Variants in GRM3 observed in about 807,000 individuals in gnomAD.
The protein encoded by GRM3 is glutamate metabotropic receptor 3, also known as metabotropic glutamate receptor 3.
A neutral mutation model predicts 70.5 loss-of-function variants in GRM3; 26 were observed. The observed-to-expected ratio is 0.37, with a 90% CI of 0.27 to 0.51. The LOEUF is 0.51. Among genes scored for constraint, GRM3 ranks in the 20% least tolerant of loss-of-function variants. GRM3 has a pLI of 0.93. For missense variants in GRM3, 859 were observed against 1,123.8 expected (o/e 0.76, Z 3.37); for synonymous variants, 443 against 434.9 (o/e 1.02, Z -0.23).
chr7:86,728,130 A>G (rs1795635043), intron 1 of GRM3, among the ~76,000 whole-genome samples: 1 of 152,130 alleles, frequency 6.6e-6, no homozygotes, highest in Admixed American at 6.6e-5. Flanking sequence ...TTTTATTATT[A>G]CCACATTAAT....
intron 1 of GRM3, among the ~76,000 whole-genome samples, chr7:86,718,258 C>G (rs756979407): frequency 1.3e-5 from 2 of 151,888 alleles, no homozygotes; most frequent in Non-Finnish European, 2.9e-5. Context: ...TGCATGAATT[C>G]CACATCACAA....
chr7:86,791,306 A>C (rs1160728744), intron 3 of GRM3, among the ~76,000 whole-genome samples: 1 of 152,230 alleles, frequency 6.6e-6, no homozygotes, highest in Non-Finnish European at 1.5e-5. Context: ...GCTTTGAAAA[A>C]ATTTTAATAT....
chr7:86,779,046 A>T (rs12690900), intron 2 of GRM3, among the ~76,000 whole-genome samples: 38,913 of 152,090 alleles, frequency 0.26, 5,045 homozygotes, highest in Middle Eastern at 0.31. Context: ...AGAAGGCTCT[A>T]TGCCTTGTTA....
At chr7:86,692,132 G>T (rs1462970839) in intron 1 of GRM3, among the ~76,000 whole-genome samples, 1 of 152,118 alleles carries the variant, frequency 6.6e-6, no homozygotes, top group African/African-American at 2.4e-5. Context: ...AATAATCCTT[G>T]GAAAGGCCAA....
chr7:86,769,837 A>G (rs1796694771), intron 2 of GRM3, among the ~76,000 whole-genome samples: 1 of 152,160 alleles, frequency 6.6e-6, no homozygotes, highest in East Asian at 1.9e-4. Context: ...GAAAGCTAAC[A>G]TCAAAATCCT....
chr7:86,859,939 T>C (rs914795019), intron 5 of GRM3, among the ~76,000 whole-genome samples: 3 of 152,212 alleles, frequency 2.0e-5, no homozygotes, highest in Non-Finnish European at 4.4e-5. Flanking sequence ...AATATGCCTT[T>C]TGATGGCTGT....
intron 1 of GRM3, among the ~76,000 whole-genome samples, chr7:86,664,348 C>T (rs915233755): frequency 2.0e-5 from 3 of 151,570 alleles, no homozygotes; most frequent in Non-Finnish European, 2.9e-5. Flanking sequence ...GGTGGTATAT[C>T]GGTTAGGAAT....
At chr7:86,827,889 G>A (rs1054904042) in intron 3 of GRM3, among the ~76,000 whole-genome samples, 1 of 152,036 alleles carries the variant, frequency 6.6e-6, no homozygotes, top group Non-Finnish European at 1.5e-5. Context: ...AAGGCGGGCG[G>A]AACACAAGGT....
rs911991699 is a variant in GRM3 at position 86,838,775 on chromosome 7, G to C, written c.1325-64G>C. The stretch of plus-strand genomic sequence containing the variant: ...TTTCAGTGTATGGCATAAAGTAATT[G>C]ACTAATCACACGTAAGACACCTAAA... On this transcript the variant is annotated intron_variant, in intron 3 of 5. Coordinates refer to ENST00000361669, the MANE Select transcript of GRM3 (RefSeq NM_000840.3). 4.9e-6 allele frequency: 4 copies of C among 821,040 alleles called. No individual in the cohort carries two copies. The African/African-American group carries it at 6.8e-5, about 14-fold the overall frequency. 50.9% of individuals were successfully genotyped at this position (821,040 alleles called of 1,614,324 possible).
chr7:86,795,354 T>C (rs1016820327), intron 3 of GRM3, among the ~76,000 whole-genome samples: 2 of 151,308 alleles, frequency 1.3e-5, no homozygotes, highest in African/African-American at 2.4e-5. Context: ...TACAGGTTTC[T>C]TGCACAGGTA....
intron 2 of GRM3, among the ~76,000 whole-genome samples, chr7:86,772,806 T>C (rs1166527699): frequency 6.6e-6 from 1 of 152,062 alleles, no homozygotes; most frequent in Non-Finnish European, 1.5e-5. Flanking sequence ...GTAAAAATGA[T>C]AGTTGCATTT....
At chr7:86,844,231 A>C (rs1798612543) in intron 4 of GRM3, among the ~76,000 whole-genome samples, 1 of 152,164 alleles carries the variant, frequency 6.6e-6, no homozygotes, top group South Asian at 2.1e-4. Context: ...AATTTGTGTC[A>C]CCCCTACTTT....
chr7:86,657,879 C>T (rs73704959), intron 1 of GRM3, among the ~76,000 whole-genome samples: 3,098 of 152,238 alleles, frequency 0.02, 106 homozygotes, highest in African/African-American at 0.069. Flanking sequence ...AACAATTAAG[C>T]TAATCACTTT....
chr7:86,663,938 G>A (rs1178762287), intron 1 of GRM3, among the ~76,000 whole-genome samples: 3 of 152,104 alleles, frequency 2.0e-5, no homozygotes, highest in South Asian at 4.1e-4. Flanking sequence ...ACTAAGTGAA[G>A]AGAAAGAAAT....
At chr7:86,723,508 C>T (rs1401014911) in intron 1 of GRM3, among the ~76,000 whole-genome samples, 2 of 152,088 alleles carry the variant, frequency 1.3e-5, no homozygotes, top group Non-Finnish European at 2.9e-5. Context: ...TGTTGATAAA[C>T]ATATGATCTG....
intron 1 of GRM3, among the ~76,000 whole-genome samples, chr7:86,763,079 G>A (rs897293478): frequency 2.0e-5 from 3 of 152,146 alleles, no homozygotes; most frequent in Non-Finnish European, 4.4e-5. Flanking sequence ...TTGAGATTGT[G>A]CATTAGAGTG....
chr7:86,688,526 T>C lies in GRM3; in HGVS notation c.-141+43654T>C, dbSNP rs565025890. Among the ~76,000 whole-genome samples the C allele has an allele frequency of 3.0e-4, 46 of 151,626 alleles. 1 individual carries two copies. Among genetic ancestry groups the C allele is most frequent in the Admixed American group, 5.9e-4 (9 of 15,236 alleles). ...AGTTGAAAGAACTAAAGGAGTCATATACAAATCTACAATCATAGGCTATGA... is the reference window on the plus strand; with the variant it reads ...AGTTGAAAGAACTAAAGGAGTCATACACAAATCTACAATCATAGGCTATGA... On this transcript the variant is annotated intron_variant, in intron 1 of 5. Transcript: ENST00000361669.
At chr7:86,663,902 T>G (rs967871535) in intron 1 of GRM3, among the ~76,000 whole-genome samples, 40 of 151,740 alleles carry the variant, frequency 2.6e-4, no homozygotes, top group African/African-American at 9.2e-4. Context: ...ATGGGAAAAA[T>G]GACAACTAAA....
chr7:86,798,083 T>A (rs375332022), intron 3 of GRM3, among the ~76,000 whole-genome samples: 1 of 152,198 alleles, frequency 6.6e-6, no homozygotes, highest in East Asian at 1.9e-4. Context: ...GGGAGAGGTG[T>A]GCTGCAGGGG....
Sources: gnomAD v4.1 joint callset for allele counts (sites outside exome capture counted in the v4.1 genomes callset) on GRCh38, gnomAD v4.1.1 for gene constraint, MANE v1.5 for transcripts, NCBI Gene and HGNC (gene_info 2026-07-23, HGNC 2026-07-21) for gene names.